MRPS6: variants seen among roughly 807,000 people sequenced by gnomAD.
MRPS6 encodes small ribosomal subunit protein bS6m.
A neutral mutation model predicts 13.1 loss-of-function variants in MRPS6; 6 were observed. That is an observed-to-expected ratio of 0.46 (90% CI 0.25 to 0.91). The LOEUF is 0.91. MRPS6 is among the 40% of genes least tolerant of loss of function. The pLI, the probability that MRPS6 is intolerant of heterozygous loss-of-function variation, is 0.18. For missense variants in MRPS6, 164 were observed against 155.6 expected (o/e 1.05, Z -0.29); for synonymous variants, 61 against 56.5 (o/e 1.08, Z -0.36).
At chr21:34,097,859 C>T (rs764806863) in intron 1 of MRPS6, 62 of 996,306 alleles carry the variant, frequency 6.2e-5, no homozygotes, top group Non-Finnish European at 7.4e-5. Context: ...TGTTTCAGGA[C>T]AAGTTCATTT....
intron 1 of MRPS6, among the ~76,000 whole-genome samples, chr21:34,083,016 C>G (rs1451309964): frequency 1.3e-5 from 2 of 152,164 alleles, no homozygotes; most frequent in East Asian, 3.9e-4. Context: ...GCCCTCAATC[C>G]TCATAAACTG....
At chr21:34,135,507 G>C in intron 2 of MRPS6, 1 of 505,890 alleles carries the variant, frequency 2.0e-6, no homozygotes, top group East Asian at 5.4e-5. Context: ...AGCCCTTGGT[G>C]GCAGTGATGA....
intron 1 of MRPS6, among the ~76,000 whole-genome samples, chr21:34,087,268 C>A (rs985491173): frequency 0.014 from 3 of 214 alleles, no homozygotes; most frequent in Non-Finnish European, 0.033. Flanking sequence ...CTCTTTTTCC[C>A]TTTAGCCTCT....
At chr21:34,083,178 C>T (rs893605045) in intron 1 of MRPS6, among the ~76,000 whole-genome samples, 6 of 152,072 alleles carry the variant, frequency 3.9e-5, no homozygotes, top group Admixed American at 2.6e-4. Context: ...TTATGGTAGC[C>T]GGGTTGCTGT....
chr21:34,137,941 A>G (rs995154453), intron 2 of MRPS6, among the ~76,000 whole-genome samples: 10 of 152,054 alleles, frequency 6.6e-5, no homozygotes, highest in African/African-American at 2.4e-4. Context: ...CATTCTTGGG[A>G]TAAAGCCTGC....
intron 2 of MRPS6, chr21:34,135,854 A>G: frequency 1.8e-6 from 1 of 555,516 alleles, no homozygotes. Context: ...ACAATGGGGC[A>G]CTGAGCTTTG....
chr21:34,100,024 C>A, intron 1 of MRPS6: 1 of 895,690 alleles, frequency 1.1e-6, no homozygotes, highest in Non-Finnish European at 1.4e-6. Flanking sequence ...TCATACTTTA[C>A]ACTGACTAAA....
At chr21:34,080,335 C>T (rs1989430882) in intron 1 of MRPS6, among the ~76,000 whole-genome samples, 1 of 152,178 alleles carries the variant, frequency 6.6e-6, no homozygotes. Flanking sequence ...CTCAGTATGA[C>T]TCCCAACTTA....
At chr21:34,085,140 T>G (rs979992034) in intron 1 of MRPS6, among the ~76,000 whole-genome samples, 3 of 152,230 alleles carry the variant, frequency 2.0e-5, no homozygotes, top group African/African-American at 7.2e-5. Context: ...GATCATATAT[T>G]TACTTGTTTA....
At position 34,078,706 on chromosome 21, in the gene MRPS6, C is replaced by A. The variant is rs183286188; in HGVS notation, c.45+4961C>A. Among the ~76,000 whole-genome samples, 9 of 152,160 alleles carry A rather than the reference C, an allele frequency of 5.9e-5. No individual in the cohort carries two copies. The East Asian group carries it at 9.6e-4, about 16-fold the overall frequency. On this transcript the variant is annotated intron_variant, in intron 1 of 2. Coordinates refer to ENST00000399312, the MANE Select transcript of MRPS6 (RefSeq NM_032476.4). The stretch of plus-strand genomic sequence containing the variant: ...TGTTTGTACTACTACATGTTTAACT[C>A]ATCTAAAAGAAACCTGGAATACCAT...
chr21:34,090,485 G>A (rs1978629151), intron 1 of MRPS6, among the ~76,000 whole-genome samples: 1 of 152,206 alleles, frequency 6.6e-6, no homozygotes, highest in South Asian at 2.1e-4. Context: ...TGATGAGACA[G>A]TTGGGAGTCT....
At chr21:34,110,215 C>G (rs1979641735) in intron 1 of MRPS6, among the ~76,000 whole-genome samples, 1 of 152,154 alleles carries the variant, frequency 6.6e-6, no homozygotes, top group African/African-American at 2.4e-5. Context: ...GTAATTCCAG[C>G]ACTTTTGGGA....
chr21:34,135,813 A>G (rs1980677669), intron 2 of MRPS6: 1 of 537,694 alleles, frequency 1.9e-6, no homozygotes, highest in Non-Finnish European at 3.6e-6. Flanking sequence ...TGTTGTGGCC[A>G]TGCATTATCA....
chr21:34,107,849 G>A (rs116888488), intron 1 of MRPS6, among the ~76,000 whole-genome samples: 2,073 of 152,302 alleles, frequency 0.014, 18 homozygotes, highest in Non-Finnish European at 0.021. Flanking sequence ...ACAGTAAGAT[G>A]TTCTGGATGC....
At chr21:34,117,705 C>T (rs1013970519) in intron 1 of MRPS6, among the ~76,000 whole-genome samples, 2 of 152,186 alleles carry the variant, frequency 1.3e-5, no homozygotes, top group African/African-American at 4.8e-5. Context: ...GCTTACATTT[C>T]TGATACCCGC....
rs906208560 is a variant in MRPS6 at position 34,135,885 on chromosome 21, A to C, written c.186-6523A>C. ...CTTTGCAGAAGCGTTTGGCAGCATA[A>C]GGCCCTGCATTGTGAGGCAGGTACT... On this transcript the variant is annotated intron_variant, in intron 2 of 2. Coordinates refer to ENST00000399312, the MANE Select transcript of MRPS6 (RefSeq NM_032476.4). 7.5e-5 allele frequency: 40 copies of C among 535,974 alleles called. No homozygotes were observed. The Admixed American group carries it at 9.6e-4, about 13-fold the overall frequency. The allele number at this position is 535,974 out of a possible 1,614,324, so 33.2% of individuals were successfully genotyped here. A position where few individuals can be genotyped will look rare whatever the true frequency, so the allele number is the denominator to read the frequency against.
chr21:34,095,617 C>A, intron 1 of MRPS6: 1 of 1,613,680 alleles, frequency 6.2e-7, no homozygotes, highest in Non-Finnish European at 8.5e-7. Flanking sequence ...ACCAAGCTCT[C>A]GGTGGATCTG....
chr21:34,077,900 T>G (rs1389142562), intron 1 of MRPS6, among the ~76,000 whole-genome samples: 1 of 152,106 alleles, frequency 6.6e-6, no homozygotes, highest in Admixed American at 6.5e-5. Context: ...CTGGCAAAAG[T>G]TTTGTATTTG....
chr21:34,074,941 C>T (rs1292030084), intron 1 of MRPS6, among the ~76,000 whole-genome samples: 1 of 152,184 alleles, frequency 6.6e-6, no homozygotes, highest in African/African-American at 2.4e-5. Context: ...CTATGAGGTC[C>T]AGACAGCCTG....
Sources: allele counts gnomAD v4.1 joint callset (sites outside exome capture counted in the v4.1 genomes callset), GRCh38; gene constraint gnomAD v4.1.1; transcripts MANE v1.5; gene names NCBI Gene and HGNC (gene_info 2026-07-23, HGNC 2026-07-21).